The following KIF5B variants were observed in gnomAD, a reference collection of about 807,000 sequenced individuals.
KIF5B encodes the protein kinesin family member 5B.
Under a neutral mutation model 132.8 loss-of-function variants are expected in KIF5B, and 49 were observed. The observed-to-expected ratio is 0.37, with a 90% CI of 0.29 to 0.47. The LOEUF (loss-of-function observed/expected upper bound fraction) is 0.47, where lower values mean the gene tolerates loss of function less well. Ranked by LOEUF, KIF5B falls within the 20% of genes least tolerant of loss-of-function variation. The pLI, the probability that KIF5B is intolerant of heterozygous loss-of-function variation, is 1.00. For synonymous variants in KIF5B, 355 were observed against 369.4 expected (o/e 0.96, Z 0.45); for missense variants, 780 against 1,144.0 (o/e 0.68, Z 4.59).
intron 2 of KIF5B, among the ~76,000 whole-genome samples, chr10:32,041,906 CT>C (rs1277578088): frequency 6.6e-6 from 1 of 152,072 alleles, no homozygotes; most frequent in Non-Finnish European, 1.5e-5. Flanking sequence ...GATTACAGGC[CT>C]AAGTAAGCCC....
In KIF5B at chr10:32,038,093, G is replaced by C. The variant is rs1213993931; in HGVS notation, c.498+70C>G. On this transcript the variant is annotated intron_variant, in intron 6 of 25. Coordinates refer to ENST00000302418, the MANE Select transcript of KIF5B (RefSeq NM_004521.3). ...CCACTGCACTCCAGCCTGGGCGACA[G>C]AGTGAGACTCTGTCTTAAAAAAAAA... is the stretch of plus-strand genomic sequence containing the variant. 8 of 909,736 alleles carry C rather than the reference G, an allele frequency of 8.8e-6. No homozygotes were observed. The East Asian group carries it at 2.0e-4, about 23-fold the overall frequency. The allele number at this position is 909,736 out of a possible 1,614,324, so 56.4% of individuals were successfully genotyped here. A position where few individuals can be genotyped will look rare whatever the true frequency, so the allele number is the denominator to read the frequency against.
rs141099134 is a variant in KIF5B at position 32,027,315 on chromosome 10, T to C, written c.1725+1113A>G. Among the ~76,000 whole-genome samples, 715 of 152,300 alleles carry C rather than the reference T, an allele frequency of 4.7e-3. 5 individuals carry two copies. Among genetic ancestry groups the C allele is most frequent in the Non-Finnish European group, 7.2e-3 (490 of 68,030 alleles). On this transcript the variant is annotated intron_variant, in intron 15 of 25. Transcript: ENST00000302418. ...TGCATGGTTTTTCAGTTAAGAGTCTTAGTTTGGTTCTTTGGTCTTAGTTTT... is the reference window on the plus strand; with the variant it reads ...TGCATGGTTTTTCAGTTAAGAGTCTCAGTTTGGTTCTTTGGTCTTAGTTTT...
At chr10:32,035,463 A>G (rs1480473137) in intron 10 of KIF5B, 59 bp downstream of exon 10, 12 of 1,464,408 alleles carry the variant, frequency 8.2e-6, no homozygotes, top group Non-Finnish European at 1.1e-5. Flanking sequence ...ACATTTTCCT[A>G]CATTTTATAA....
At position 32,022,881 on chromosome 10, in the gene KIF5B, C is replaced by T. The variant is rs764224608; in HGVS notation, c.1881G>A (p.Lys627=). The T allele has an allele frequency of 1.2e-6, 2 of 1,613,046 alleles. No individual in the cohort carries two copies. The highest frequency in any genetic ancestry group is 1.7e-6 in the Non-Finnish European group (2 of 1,179,352). The part of the protein sequence containing the change: ...ESNKKMEENE[K]ELAACQLRIS... ...TACGAAGCTGACATGCTGCTAACTC[C>T]TTTTCATTTTCTTCCATTTTTTTGT... The change falls in exon 16 of 26, where the codon AAG becomes AAA. Residue 627 remains lysine (K), a synonymous_variant. Coordinates refer to ENST00000302418, the MANE Select transcript of KIF5B (RefSeq NM_004521.3).
chr10:32,030,468 T>C (rs531671573), intron 14 of KIF5B, among the ~76,000 whole-genome samples: 19 of 151,750 alleles, frequency 1.3e-4, no homozygotes, highest in African/African-American at 3.1e-4. Flanking sequence ...TGAGCCAAGA[T>C]TGCGCCATTG....
intron 8 of KIF5B, among the ~76,000 whole-genome samples, chr10:32,036,327 G>A (rs1021580690): frequency 2.6e-5 from 4 of 152,188 alleles, no homozygotes; most frequent in Non-Finnish European, 5.9e-5. Context: ...TGTTGATGTT[G>A]TAACTGTTAG....
At chr10:32,018,752 G>A (rs1841216212) in intron 20 of KIF5B, among the ~76,000 whole-genome samples, 190 bp from the exon 21 acceptor site, 1 of 151,148 alleles carries the variant, frequency 6.6e-6, no homozygotes. Flanking sequence ...TTGACACAGA[G>A]TTTCTGTCCC....
chr10:32,023,164 CTTAT>C (rs1278345260), intron 15 of KIF5B, 128 bp from the exon 16 acceptor site: 1 of 464,864 alleles, frequency 2.2e-6, no homozygotes, highest in African/African-American at 2.0e-5. Context: ...AAGTCTGGAT[CTTAT>C]TTTTTTCTTT....
intron 16 of KIF5B, 141 bp downstream of exon 16, chr10:32,022,707 T>C (rs1257671348): frequency 3.5e-6 from 2 of 576,916 alleles, no homozygotes; most frequent in Non-Finnish European, 6.0e-6. Context: ...AGTTAAATCA[T>C]TCAAATTTAC....
At position 32,028,417 on chromosome 10, in the gene KIF5B, A is replaced by G. The variant is rs1390700473; in HGVS notation, c.1725+11T>C. On this transcript the variant is annotated intron_variant, in intron 15 of 25. Coordinates refer to ENST00000302418, the MANE Select transcript of KIF5B (RefSeq NM_004521.3). ...AGATAATTGTCCTTAATACTTAGTT[A>G]TTATATTTACCTTTACATCATTATT... 6.2e-7 allele frequency: 1 copy of G among 1,600,028 alleles called. No individual in the cohort carries two copies. The highest frequency in any genetic ancestry group is 8.6e-7 in the Non-Finnish European group (1 of 1,169,198).
intron 15 of KIF5B, among the ~76,000 whole-genome samples, chr10:32,028,073 A>G (rs925402140): frequency 5.3e-5 from 8 of 151,986 alleles, no homozygotes; most frequent in Non-Finnish European, 7.4e-5. Flanking sequence ...CCCAGGCTCA[A>G]GCAATCCTCC....
rs755060428 is a variant in KIF5B, at chr10:32,017,282, C to T, written c.2622G>A (p.Val874=). 1 of 1,614,232 alleles carries T rather than the reference C, an allele frequency of 6.2e-7. No individual in the cohort carries two copies. The highest frequency in any genetic ancestry group is 8.5e-7 in the Non-Finnish European group (1 of 1,180,040). The part of the protein sequence containing the change: ...EKRLRATAER[V]KALESALKEA... Reference sequence around the variant, plus strand: ...CTTTCAGTGCTGATTCCAAAGCTTTCACTCTCTCAGCTGTAGCTCGAAGTC... The same window carrying T: ...CTTTCAGTGCTGATTCCAAAGCTTTTACTCTCTCAGCTGTAGCTCGAAGTC... The change falls in exon 24 of 26, where the codon GTG becomes GTA. Residue 874 remains valine, a synonymous_variant. Transcript: ENST00000302418.
rs781346156 is a variant in KIF5B at position 32,037,618 on chromosome 10, ATT to A, written c.499-13_499-12del. ...ACGCTCTGTGCACCCCTGTGAAATA[ATT>A]TTTAAAAATATGTTAATGTCTGGCC... On this transcript the variant is annotated splice_polypyrimidine_tract_variant and intron_variant, in intron 6 of 25. Coordinates refer to ENST00000302418, the MANE Select transcript of KIF5B (RefSeq NM_004521.3). 35 of 1,578,710 alleles carry A rather than the reference ATT, an allele frequency of 2.2e-5. No individual in the cohort carries two copies. In the African/African-American group the frequency reaches 3.9e-4, roughly 18 times the overall value.
chr10:32,020,531 G>A (rs1439539942), intron 19 of KIF5B, among the ~76,000 whole-genome samples: 5 of 151,954 alleles, frequency 3.3e-5, no homozygotes, highest in African/African-American at 9.7e-5. Flanking sequence ...AGCAATCCTC[G>A]TGCCACAGCC....
rs1409081844 is a variant in KIF5B, at chr10:32,056,111, G to C, written c.-138C>G. On this transcript the variant is annotated 5_prime_UTR_variant, in exon 1 of 26. Transcript: ENST00000302418. ...AGCTGCGCCGCGCTGCGCTTCCCCGGGTGGAGGCGGCCGGGGAGCCGGGAC... is the reference window on the plus strand; with the variant it reads ...AGCTGCGCCGCGCTGCGCTTCCCCGCGTGGAGGCGGCCGGGGAGCCGGGAC... 1.8e-6 allele frequency: 2 copies of C among 1,081,824 alleles called. No homozygotes were observed. The highest frequency in any genetic ancestry group is 1.6e-5 in the South Asian group (1 of 62,766). The allele number at this position is 1,081,824 out of a possible 1,614,324, so 67.0% of individuals were successfully genotyped here. A position where few individuals can be genotyped will look rare whatever the true frequency, so the allele number is the denominator to read the frequency against.
intron 15 of KIF5B, among the ~76,000 whole-genome samples, chr10:32,024,491 C>T (rs1374732834): frequency 4.0e-5 from 6 of 150,196 alleles, no homozygotes; most frequent in Admixed American, 1.3e-4. Flanking sequence ...AGGCCAGGTA[C>T]GGTGGCTCAC....
intron 23 of KIF5B, 59 bp from the exon 24 acceptor site, chr10:32,017,418 T>G (rs981243791): frequency 7.6e-7 from 1 of 1,317,486 alleles, no homozygotes; most frequent in African/African-American, 1.5e-5. Context: ...TGAAAAAGTA[T>G]GAGCATTTCA....
chr10:32,032,546 C>G (rs1011577966), intron 13 of KIF5B, among the ~76,000 whole-genome samples, 160 bp downstream of exon 13: 1 of 152,148 alleles, frequency 6.6e-6, no homozygotes, highest in Non-Finnish European at 1.5e-5. Flanking sequence ...TGGGTAGATA[C>G]GATGAATAAG....
At chr10:32,032,975 G>A (rs1299164128) in intron 12 of KIF5B, among the ~76,000 whole-genome samples, 4 of 152,170 alleles carry the variant, frequency 2.6e-5, no homozygotes, top group Non-Finnish European at 4.4e-5. Flanking sequence ...TAATGGTCAT[G>A]TACTTCGAAC....
Sources: allele counts gnomAD v4.1 joint callset (sites outside exome capture counted in the v4.1 genomes callset), GRCh38; gene constraint gnomAD v4.1.1; transcripts MANE v1.5; gene names NCBI Gene and HGNC (gene_info 2026-07-23, HGNC 2026-07-21).